The following TSHZ2 variants were observed in gnomAD, a reference collection of about 807,000 sequenced individuals.
TSHZ2 encodes teashirt zinc finger homeobox 2.
TSHZ2 carries 21 observed loss-of-function variants against 74.4 expected under a neutral mutation model. The ratio of observed to expected loss-of-function variants is 0.28; its 90% CI spans 0.20 to 0.41. TSHZ2 has a LOEUF of 0.41. Among genes scored for constraint, TSHZ2 ranks in the 10% least tolerant of loss-of-function variants. TSHZ2 has a pLI of 1.00. For missense variants in TSHZ2, 1,244 were observed against 1,293.5 expected, an observed-to-expected ratio of 0.96 and a Z score of 0.59; for synonymous variants, 540 against 515.3, an observed-to-expected ratio of 1.05 and a Z score of -0.65.
intron 2 of TSHZ2, among the ~76,000 whole-genome samples, chr20:53,455,806 C>A (rs1168317004): frequency 1.3e-5 from 2 of 150,080 alleles, no homozygotes; most frequent in Admixed American, 1.3e-4. Flanking sequence ...TGAGAATATG[C>A]AGTGTTTGGT....
intron 1 of TSHZ2, among the ~76,000 whole-genome samples, chr20:53,198,769 T>C (rs16997731): frequency 0.015 from 2,276 of 152,348 alleles, 57 homozygotes; most frequent in African/African-American, 0.052. Flanking sequence ...TTATTCCGAC[T>C]TGGGATTCAG....
At chr20:52,984,750 G>C (rs1981691105) in intron 1 of TSHZ2, among the ~76,000 whole-genome samples, 1 of 152,104 alleles carries the variant, frequency 6.6e-6, no homozygotes, top group Admixed American at 6.5e-5. Context: ...CTCAAGAGGC[G>C]TCTACATCAA....
chr20:52,981,091 T>C (rs765082661), intron 1 of TSHZ2, among the ~76,000 whole-genome samples: 5 of 152,256 alleles, frequency 3.3e-5, no homozygotes, highest in Non-Finnish European at 7.3e-5. Flanking sequence ...CCTTTGGCTA[T>C]TTTCCTTTAT....
At chr20:53,133,034 A>G (rs895410274) in intron 1 of TSHZ2, among the ~76,000 whole-genome samples, 2 of 152,132 alleles carry the variant, frequency 1.3e-5, no homozygotes, top group African/African-American at 4.8e-5. Flanking sequence ...TTACAAAAGC[A>G]GTAATATCTA....
intron 1 of TSHZ2, among the ~76,000 whole-genome samples, chr20:53,240,721 TGATAGATAGATAGATAGATAGATA>T (rs11468792): frequency 3.4e-5 from 5 of 145,158 alleles, no homozygotes; most frequent in African/African-American, 1.3e-4. Flanking sequence ...GATAGATAGA[TGATAGATAGATAGATAGATAGATA>T]GATAGATAGA....
At chr20:52,984,313 C>G (rs992965116) in intron 1 of TSHZ2, among the ~76,000 whole-genome samples, 1 of 152,170 alleles carries the variant, frequency 6.6e-6, no homozygotes, top group African/African-American at 2.4e-5. Context: ...AGCCAGCAGA[C>G]AGTCCCATGT....
intron 2 of TSHZ2, among the ~76,000 whole-genome samples, chr20:53,435,917 A>C (rs1409654672): frequency 2.6e-5 from 4 of 152,220 alleles, no homozygotes; most frequent in African/African-American, 4.8e-5. Flanking sequence ...CCTGTGTCTC[A>C]GTTTCCTCGT....
intron 2 of TSHZ2, among the ~76,000 whole-genome samples, chr20:53,350,713 T>A (rs1980615439): frequency 6.6e-6 from 1 of 152,232 alleles, no homozygotes; most frequent in African/African-American, 2.4e-5. Flanking sequence ...TATTGAGAGC[T>A]TTTACAGTGT....
chr20:53,306,524 G>T (rs1978550673), intron 2 of TSHZ2, among the ~76,000 whole-genome samples: 1 of 152,134 alleles, frequency 6.6e-6, no homozygotes. Context: ...TTAGGATTTT[G>T]CTGCTGCGTC....
intron 1 of TSHZ2, among the ~76,000 whole-genome samples, chr20:53,166,342 G>A (rs1014588800): frequency 6.6e-6 from 1 of 152,222 alleles, no homozygotes; most frequent in Non-Finnish European, 1.5e-5. Context: ...TTTGGGCTGG[G>A]CATGATGGCT....
chr20:53,159,392 C>T (rs1160267595), intron 1 of TSHZ2, among the ~76,000 whole-genome samples: 1 of 152,164 alleles, frequency 6.6e-6, no homozygotes, highest in Non-Finnish European at 1.5e-5. Context: ...TCTGTGGCAG[C>T]TTCTGTACTA....
intron 2 of TSHZ2, among the ~76,000 whole-genome samples, chr20:53,382,508 G>C (rs1981896139): frequency 6.6e-6 from 1 of 152,154 alleles, no homozygotes; most frequent in African/African-American, 2.4e-5. Flanking sequence ...CACCATATGA[G>C]CCAATGCAAC....
chr20:53,257,075 G>T (rs1425090901), intron 2 of TSHZ2, among the ~76,000 whole-genome samples: 4 of 152,176 alleles, frequency 2.6e-5, no homozygotes, highest in Non-Finnish European at 5.9e-5. Flanking sequence ...GCTTAAAGTT[G>T]TCTTTATGAT....
At chr20:53,125,153 G>C (rs989867884) in intron 1 of TSHZ2, among the ~76,000 whole-genome samples, 1 of 152,180 alleles carries the variant, frequency 6.6e-6, no homozygotes. Context: ...AATTTATAGG[G>C]TGATTTTGAG....
intron 2 of TSHZ2, among the ~76,000 whole-genome samples, chr20:53,352,326 T>C (rs1328371994): frequency 7.1e-6 from 1 of 140,118 alleles, no homozygotes. Context: ...ATCACCAACA[T>C]CATTCTCCAC....
At chr20:53,422,012 C>G (rs1301291396) in intron 2 of TSHZ2, among the ~76,000 whole-genome samples, 1 of 152,158 alleles carries the variant, frequency 6.6e-6, no homozygotes, top group Non-Finnish European at 1.5e-5. Flanking sequence ...CAGCAGACCA[C>G]TGCTTCTGTA....
intron 1 of TSHZ2, among the ~76,000 whole-genome samples, chr20:53,026,049 G>A (rs906075885): frequency 3.9e-5 from 6 of 152,136 alleles, no homozygotes; most frequent in African/African-American, 1.4e-4. Flanking sequence ...TTTGTCATTT[G>A]TTTTTCCTCT....
At chr20:53,087,663 G>T (rs143293018) in intron 1 of TSHZ2, among the ~76,000 whole-genome samples, 7 of 152,324 alleles carry the variant, frequency 4.6e-5, no homozygotes, top group South Asian at 2.1e-4. Flanking sequence ...TCTTGGAAAA[G>T]ACTTTCTTTT....
In TSHZ2 at chr20:53,253,792, G is replaced by A. The variant is rs773829843; in HGVS notation, c.334G>A (p.Val112Ile). 13 of 1,614,052 alleles carry A rather than the reference G, an allele frequency of 8.1e-6. No homozygotes were observed. Among genetic ancestry groups the A allele is most frequent in the East Asian group, 4.5e-5 (2 of 44,900 alleles). ...CTCAGACAAGAAAGCACACACTCAC[G>A]TCAGGCTTCCAAACGAAGCACACAA... Reference protein sequence around the residue: ...DASDKKAHTHVRLPNEAHNCM... With the variant: ...DASDKKAHTHIRLPNEAHNCM... Residue 112 changes from valine to isoleucine, a missense_variant, in exon 2 of 3, where the codon GTC becomes ATC. Physicochemically the swap from Val to Ile is conservative, Grantham distance 29. This residue lies in a region of TSHZ2 where 470 missense variants were observed against 456.5 expected (regional missense o/e 1.03). Coordinates refer to ENST00000371497, the MANE Select transcript of TSHZ2 (RefSeq NM_173485.6).
Sources: gnomAD v4.1 joint callset for allele counts (sites outside exome capture counted in the v4.1 genomes callset) on GRCh38, gnomAD v4.1.1 for gene constraint, gnomAD v4.1.1 regional missense constraint, MANE v1.5 for transcripts, NCBI Gene and HGNC (gene_info 2026-07-23, HGNC 2026-07-21) for gene names.